Variants in MAD1L1 observed in about 807,000 individuals in gnomAD.
MAD1L1 encodes the protein mitotic spindle assembly checkpoint protein MAD1.
A neutral mutation model predicts 96.9 loss-of-function variants in MAD1L1; 95 were observed. The ratio of observed to expected loss-of-function variants is 0.98; its 90% CI spans 0.83 to 1.16. The LOEUF (loss-of-function observed/expected upper bound fraction) is 1.16. MAD1L1 is among the 50% of genes most tolerant of loss of function. The probability of loss-of-function intolerance (pLI) is 0.00; values close to 1 mark genes in which losing one functional copy is unlikely to be tolerated. For missense variants in MAD1L1, 1,007 were observed against 954.4 expected (o/e 1.06, Z -0.73); for synonymous variants, 473 against 396.6 (o/e 1.19, Z -2.29).
intron 12 of MAD1L1, among the ~76,000 whole-genome samples, chr7:2,060,331 G>A (rs1438481361): frequency 6.8e-6 from 1 of 146,824 alleles, no homozygotes; most frequent in East Asian, 2.0e-4. Flanking sequence ...GCTGAGATAC[G>A]CCAATGCCAA....
chr7:2,232,552 T>C (rs1028158648), intron 1 of MAD1L1, among the ~76,000 whole-genome samples: 1 of 152,066 alleles, frequency 6.6e-6, no homozygotes, highest in African/African-American at 2.4e-5. Flanking sequence ...ACCCCGGGGC[T>C]GGGACCACGA....
intron 7 of MAD1L1, among the ~76,000 whole-genome samples, chr7:2,217,143 CGT>C (rs1562381522): frequency 6.6e-6 from 1 of 152,226 alleles, no homozygotes. Context: ...TCTAGCAGCA[CGT>C]GTGACAGCTC....
At chr7:1,934,417 A>G (rs1398089121) in intron 17 of MAD1L1, among the ~76,000 whole-genome samples, 1 of 152,118 alleles carries the variant, frequency 6.6e-6, no homozygotes, top group Non-Finnish European at 1.5e-5. Flanking sequence ...CAACAAGGGA[A>G]GGAACAGACG....
In MAD1L1 at chr7:2,223,795, C is replaced by T. The variant is rs565793353; in HGVS notation, c.292-1041G>A. ...CCGGGCCTGGAACTGCCAGTCCCAG[C>T]GCAGACAGGGCAGCCAGCAGGTCTT... is the stretch of plus-strand genomic sequence containing the variant. On this transcript the variant is annotated intron_variant, in intron 4 of 18. Transcript: ENST00000265854. Among the ~76,000 whole-genome samples the T allele has an allele frequency of 7.3e-4, 111 of 152,306 alleles. 1 individual carries two copies. The highest frequency in any genetic ancestry group is 2.5e-3 in the African/African-American group (104 of 41,572).
intron 17 of MAD1L1, among the ~76,000 whole-genome samples, chr7:1,902,726 G>A (rs952728633): frequency 1.3e-5 from 2 of 152,268 alleles, no homozygotes; most frequent in African/African-American, 2.4e-5. Context: ...GTGGGAAGGA[G>A]GACCCAGCAG....
intron 10 of MAD1L1, among the ~76,000 whole-genome samples, chr7:2,162,726 A>C (rs113015012): frequency 0.21 from 31,894 of 148,460 alleles, 3,665 homozygotes; most frequent in Middle Eastern, 0.34. Flanking sequence ...AAAAAAAAAA[A>C]CGTAATGGAT....
chr7:1,867,204 C>T (rs1784817190), intron 18 of MAD1L1, among the ~76,000 whole-genome samples: 1 of 152,206 alleles, frequency 6.6e-6, no homozygotes, highest in African/African-American at 2.4e-5. Context: ...CCTCCCCTGG[C>T]ATCACTGACC....
rs538618199 is a variant in MAD1L1, at chr7:2,157,186, G to A, written c.987-7948C>T. 3.9e-5 allele frequency among the ~76,000 whole-genome samples: 6 copies of A among 152,342 alleles called. 1 individual carries two copies. In the East Asian group the frequency reaches 9.6e-4, roughly 24 times the overall value. ...TATATACTGGAACGTCTTCAAAAGAGTGCTAAGTAATACAATATTTTAAGA... is the reference window on the plus strand; with the variant it reads ...TATATACTGGAACGTCTTCAAAAGAATGCTAAGTAATACAATATTTTAAGA... On this transcript the variant is annotated intron_variant, in intron 10 of 18. Coordinates refer to ENST00000265854, the MANE Select transcript of MAD1L1 (RefSeq NM_001013836.2).
At chr7:2,010,491 G>C (rs1271165444) in intron 13 of MAD1L1, among the ~76,000 whole-genome samples, 2 of 152,092 alleles carry the variant, frequency 1.3e-5, no homozygotes, top group Non-Finnish European at 2.9e-5. Flanking sequence ...GGCGTGCACT[G>C]CGTATTTATA....
intron 14 of MAD1L1, among the ~76,000 whole-genome samples, chr7:1,993,142 C>T (rs777911585): frequency 2.0e-5 from 3 of 152,176 alleles, no homozygotes; most frequent in Non-Finnish European, 4.4e-5. Flanking sequence ...CTGAAGTGCC[C>T]ACCTTCTCCT....
At chr7:1,862,798 G>A (rs918154167) in intron 18 of MAD1L1, among the ~76,000 whole-genome samples, 1 of 152,250 alleles carries the variant, frequency 6.6e-6, no homozygotes, top group African/African-American at 2.4e-5. Flanking sequence ...TATAAATAGA[G>A]TGACGATGAA....
intron 10 of MAD1L1, among the ~76,000 whole-genome samples, chr7:2,157,553 G>A (rs1313773340): frequency 1.3e-5 from 2 of 152,170 alleles, no homozygotes; most frequent in Non-Finnish European, 2.9e-5. Context: ...CTGGGACACA[G>A]GGCAGAGGGT....
At chr7:1,945,797 G>C (rs1452419388) in intron 16 of MAD1L1, among the ~76,000 whole-genome samples, 2 of 152,236 alleles carry the variant, frequency 1.3e-5, no homozygotes, top group Admixed American at 1.3e-4. Flanking sequence ...CGTGGCTGTG[G>C]CTGGGGGCCC....
intron 11 of MAD1L1, among the ~76,000 whole-genome samples, chr7:2,109,074 T>C (rs888740396): frequency 1.3e-5 from 2 of 152,216 alleles, no homozygotes; most frequent in African/African-American, 4.8e-5. Flanking sequence ...AGCTCAGAGC[T>C]GCTCACCCTC....
chr7:1,980,705 C>G (rs1484026781), intron 14 of MAD1L1, 164 bp from the exon 15 acceptor site: 1 of 711,508 alleles, frequency 1.4e-6, no homozygotes, highest in Non-Finnish European at 2.6e-6. Flanking sequence ...CCAGGCCAGA[C>G]AGCACTCTAA....
At chr7:1,975,760 T>C (rs770278615) in intron 15 of MAD1L1, among the ~76,000 whole-genome samples, 34 of 152,052 alleles carry the variant, frequency 2.2e-4, no homozygotes, top group Non-Finnish European at 4.3e-4. Flanking sequence ...AGTGGGGTCA[T>C]GGGTCACCTC....
intron 18 of MAD1L1, chr7:1,849,066 ACACACAC>A (rs1562454243): frequency 6.5e-6 from 1 of 153,920 alleles, no homozygotes; most frequent in Non-Finnish European, 1.5e-5. Flanking sequence ...ACACACACAC[ACACACAC>A]AAATGCACAT....
chr7:1,917,641 G>C (rs1042296308), intron 17 of MAD1L1, among the ~76,000 whole-genome samples: 1 of 152,262 alleles, frequency 6.6e-6, no homozygotes, highest in Non-Finnish European at 1.5e-5. Context: ...GAAAGAAAGA[G>C]GAGAGAAGAA....
At chr7:2,069,553 G>A (rs868019466) in intron 11 of MAD1L1, among the ~76,000 whole-genome samples, 3 of 152,236 alleles carry the variant, frequency 2.0e-5, no homozygotes, top group Admixed American at 6.5e-5. Flanking sequence ...CCCAGAACAC[G>A]GCAGGGAGGG....
Sources: gnomAD v4.1 joint callset for allele counts (sites outside exome capture counted in the v4.1 genomes callset) on GRCh38, gnomAD v4.1.1 for gene constraint, MANE v1.5 for transcripts, NCBI Gene and HGNC (gene_info 2026-07-23, HGNC 2026-07-21) for gene names.